The following MAD2L1BP variants were observed in gnomAD, a reference collection of about 807,000 sequenced individuals.
MAD2L1BP encodes the protein MAD2L1-binding protein.
MAD2L1BP carries 22 observed loss-of-function variants against 28.4 expected under a neutral mutation model. The ratio of observed to expected loss-of-function variants is 0.77; its 90% CI spans 0.55 to 1.10. The LOEUF (loss-of-function observed/expected upper bound fraction) is 1.10, where lower values mean the gene tolerates loss of function less well. Among genes scored for constraint, MAD2L1BP ranks in the 50% least tolerant of loss-of-function variants. The pLI is 0.00. For synonymous variants in MAD2L1BP, 146 were observed against 133.7 expected (o/e 1.09, Z -0.63); for missense variants, 325 against 350.5 (o/e 0.93, Z 0.58).
chr6:43,638,743 C>G (rs905126520), intron 2 of MAD2L1BP, among the ~76,000 whole-genome samples: 1 of 151,830 alleles, frequency 6.6e-6, no homozygotes, highest in Admixed American at 6.6e-5. Context: ...TTGCAGTGAG[C>G]CGAGATTGCG....
chr6:43,632,234 G>T (rs897827970), upstream of MAD2L1BP, among the ~76,000 whole-genome samples: 2 of 148,424 alleles, frequency 1.3e-5, no homozygotes, highest in African/African-American at 5.0e-5. Context: ...GGAGGAGGAA[G>T]AGAGAAAATG....
chr6:43,640,424 A>G lies in MAD2L1BP; in HGVS notation c.716A>G (p.His239Arg), dbSNP rs199974878. Reference sequence around the variant, plus strand: ...AACTATCGAGTGCCCAGCCGGGGCCATAAACTGACTGTGACCCTGTCATGT... The same window carrying G: ...AACTATCGAGTGCCCAGCCGGGGCCGTAAACTGACTGTGACCCTGTCATGT... ...KLNYRVPSRGHKLTVTLSCGR... is the reference protein window; with the variant it reads ...KLNYRVPSRGRKLTVTLSCGR... Residue 239 changes from histidine to arginine, a missense_variant, in exon 3 of 3, where the codon CAT becomes CGT. Physicochemically the swap from His to Arg is conservative, Grantham distance 29. Coordinates refer to ENST00000372171, the MANE Select transcript of MAD2L1BP (RefSeq NM_014628.3). 3.7e-5 allele frequency: 60 copies of G among 1,613,968 alleles called. No homozygotes were observed. The highest frequency in any genetic ancestry group is 4.7e-5 in the Non-Finnish European group (56 of 1,180,028).
At chr6:43,629,779 G>A in intron 1 of MAD2L1BP, 2 of 1,563,900 alleles carry the variant, frequency 1.3e-6, no homozygotes, top group South Asian at 2.4e-5. Flanking sequence ...GGTGAGTCAG[G>A]GCGAACGCCA....
At chr6:43,634,220 C>CTTTTTTTTTTTTT (rs751773637), upstream of MAD2L1BP, among the ~76,000 whole-genome samples, 2 of 103,668 alleles carry the variant, frequency 1.9e-5, no homozygotes, top group African/African-American at 4.1e-5. Context: ...TTCTTTTTTT[C>CTTTTTTTTTTTTT]TTTTTTTTTT....
At chr6:43,631,178 G>A (rs575991911), upstream of MAD2L1BP, among the ~76,000 whole-genome samples, 2 of 152,166 alleles carry the variant, frequency 1.3e-5, no homozygotes, top group Non-Finnish European at 2.9e-5. Context: ...CTGACCATAG[G>A]CCAATTATGT....
upstream of MAD2L1BP, among the ~76,000 whole-genome samples, chr6:43,634,305 C>T (rs180923306): frequency 1.8e-4 from 25 of 142,098 alleles, no homozygotes; most frequent in East Asian, 4.9e-3. Context: ...CTGTAAGTGT[C>T]GAACTCCTGG....
upstream of MAD2L1BP, among the ~76,000 whole-genome samples, chr6:43,633,478 T>A (rs757919785): frequency 1.4e-5 from 2 of 145,896 alleles, no homozygotes; most frequent in Admixed American, 6.8e-5. Context: ...GGCCTCTAAT[T>A]GCTGTACTTT....
intron 1 of MAD2L1BP, 31 bp downstream of exon 1, chr6:43,635,952 C>A: frequency 6.5e-7 from 1 of 1,532,192 alleles, no homozygotes; most frequent in Non-Finnish European, 8.8e-7. Flanking sequence ...TTTGGGGAGC[C>A]TTGGGGACTT....
chr6:43,636,789 A>G (rs1770250114), intron 2 of MAD2L1BP, 143 bp downstream of exon 2: 1 of 916,226 alleles, frequency 1.1e-6, no homozygotes, highest in Admixed American at 2.6e-5. Context: ...TCCCCACTCT[A>G]GTCTTTGGTA....
chr6:43,637,167 C>T (rs549958020), intron 2 of MAD2L1BP, among the ~76,000 whole-genome samples: 150 of 152,112 alleles, frequency 9.9e-4, no homozygotes, highest in Non-Finnish European at 1.7e-3. Flanking sequence ...CAGGTTCAAG[C>T]GATTCTCATG....
chr6:43,635,676 A>G, upstream of MAD2L1BP: 1 of 533,646 alleles, frequency 1.9e-6, no homozygotes. Flanking sequence ...CCTGCTGGGC[A>G]AGGGTTAGGC....
At chr6:43,634,848 C>G (rs141447895), upstream of MAD2L1BP, among the ~76,000 whole-genome samples, 2 of 152,128 alleles carry the variant, frequency 1.3e-5, no homozygotes, top group Non-Finnish European at 2.9e-5. Context: ...CGTGAGCCAC[C>G]GTGCCTGGCC....
chr6:43,636,844 T>G, intron 2 of MAD2L1BP, 198 bp downstream of exon 2: 1 of 627,266 alleles, frequency 1.6e-6, no homozygotes, highest in Non-Finnish European at 2.7e-6. Context: ...TTTCTGAAAC[T>G]CACGTGTTGC....
intron 1 of MAD2L1BP, 91 bp downstream of exon 1, chr6:43,636,012 C>T (rs1770196122): frequency 2.3e-6 from 3 of 1,299,928 alleles, no homozygotes; most frequent in South Asian, 1.3e-5. Flanking sequence ...CTGGTCCTCT[C>T]CCTAGCCCGT....
chr6:43,640,359 A>T lies in MAD2L1BP; in HGVS notation c.651A>T (p.Gly217=). 2 of 1,613,900 alleles carry T rather than the reference A, an allele frequency of 1.2e-6. No individual in the cohort carries two copies. The highest frequency in any genetic ancestry group is 2.7e-5 in the African/African-American group (2 of 75,000). ...PLMGTVVMAQ[G]HRNCGEDWFR... is the part of the protein sequence containing the mutation. ...TGGGCACCGTCGTCATGGCACAGGG[A>T]CACCGCAACTGTGGAGAAGATTGGT... is the stretch of plus-strand genomic sequence containing the variant. Residue 217 remains glycine, a synonymous_variant, in exon 3 of 3, where the codon GGA becomes GGT. Transcript: ENST00000372171.
upstream of MAD2L1BP, chr6:43,633,229 A>G (rs926669353): frequency 4.2e-5 from 18 of 425,712 alleles, no homozygotes; most frequent in Non-Finnish European, 7.4e-5. Context: ...CTGGAGCACA[A>G]TGGCATGACC....
Position 43,640,429 on chromosome 6 carries a change from C to G in MAD2L1BP, c.721C>G (p.Leu241Val). 1 of 1,613,944 alleles carries G rather than the reference C, an allele frequency of 6.2e-7. No individual in the cohort carries two copies. Among genetic ancestry groups the G allele is most frequent in the Non-Finnish European group, 8.5e-7 (1 of 1,180,028 alleles). ...NYRVPSRGHKLTVTLSCGRPS... is the reference protein window; with the variant it reads ...NYRVPSRGHKVTVTLSCGRPS... ...TCGAGTGCCCAGCCGGGGCCATAAA[C>G]TGACTGTGACCCTGTCATGTGGCAG... The change falls in exon 3 of 3, where the codon CTG becomes GTG. Residue 241 changes from leucine (L) to valine (V), a missense_variant. Coordinates refer to ENST00000372171, the MANE Select transcript of MAD2L1BP (RefSeq NM_014628.3).
In MAD2L1BP at chr6:43,640,363, C is replaced by T. The variant is rs541861629; in HGVS notation, c.655C>T (p.Arg219Cys). ...CACCGTCGTCATGGCACAGGGACACCGCAACTGTGGAGAAGATTGGTTTCG... is the reference window on the plus strand; with the variant it reads ...CACCGTCGTCATGGCACAGGGACACTGCAACTGTGGAGAAGATTGGTTTCG... ...MGTVVMAQGH[R>C]NCGEDWFRPK... Residue 219 changes from arginine to cysteine, a missense_variant, in exon 3 of 3, where the codon CGC (arginine) becomes TGC (cysteine). Physicochemically the swap from Arg to Cys is radical, Grantham distance 180 (BLOSUM62 -3). Coordinates refer to ENST00000372171, the MANE Select transcript of MAD2L1BP (RefSeq NM_014628.3). 27 of 1,613,810 alleles carry T rather than the reference C, an allele frequency of 1.7e-5. No individual in the cohort carries two copies. The highest frequency in any genetic ancestry group is 2.7e-5 in the African/African-American group (2 of 74,896).
At chr6:43,639,996 C>T (rs1038739397) in intron 2 of MAD2L1BP, 25 bp from the exon 3 acceptor site, 10 of 1,510,770 alleles carry the variant, frequency 6.6e-6, no homozygotes, top group Admixed American at 4.4e-5. Context: ...TTGTTCTTCT[C>T]TCCCACCATT....
Sources: gnomAD v4.1 joint callset for allele counts (sites outside exome capture counted in the v4.1 genomes callset) on GRCh38, gnomAD v4.1.1 for gene constraint, MANE v1.5 for transcripts, NCBI Gene and HGNC (gene_info 2026-07-23, HGNC 2026-07-21) for gene names.